Variants in POLA1 observed in about 807,000 individuals in gnomAD.
POLA1 encodes DNA polymerase alpha catalytic subunit.
Under a neutral mutation model 124.0 loss-of-function variants are expected in POLA1, and 15 were observed. That is an observed-to-expected ratio of 0.12 (90% CI 0.08 to 0.19). The LOEUF (loss-of-function observed/expected upper bound fraction) is 0.19, where lower values mean the gene tolerates loss of function less well. POLA1 is among the 10% of genes least tolerant of loss of function. POLA1 has a pLI of 1.00. For synonymous variants in POLA1, 408 were observed against 389.4 expected (o/e 1.05, Z -0.56); for missense variants, 886 against 1,103.4 (o/e 0.80, Z 2.79).
At chrX:24,779,013 C>T (rs1038519109) in intron 26 of POLA1, among the ~76,000 whole-genome samples, 8 of 111,708 alleles carry the variant, frequency 7.2e-5, no homozygotes, top group African/African-American at 2.0e-4. Context: ...AGCCATTGTA[C>T]TGGACACTAC....
At chrX:24,988,792 CCT>C (rs1431304704) in intron 36 of POLA1, among the ~76,000 whole-genome samples, 5 of 111,216 alleles carry the variant, frequency 4.5e-5, no homozygotes, top group Admixed American at 3.8e-4. Context: ...ATGGCAAGAC[CCT>C]GTCTCTACTA....
intron 26 of POLA1, among the ~76,000 whole-genome samples, chrX:24,771,342 A>T (rs996121274): frequency 9.0e-6 from 1 of 111,193 alleles, no homozygotes; most frequent in African/African-American, 3.3e-5. Context: ...TGTTTCACAC[A>T]CTCTCAATTC....
At position 24,736,270 on chromosome X, in the gene POLA1, C is replaced by T. The variant is rs1931268943; in HGVS notation, c.1923+782C>T. Among the ~76,000 whole-genome samples, 3 of 111,971 alleles carry T rather than the reference C, an allele frequency of 2.7e-5. No homozygotes were observed. The Admixed American group carries it at 2.8e-4, about 11-fold the overall frequency. ...TACTCTTGGATACCTTATCTGGCAA[C>T]TGTATAGCTAGCATCCTGAGTTCCT... is the stretch of plus-strand genomic sequence containing the variant. On this transcript the variant is annotated intron_variant, in intron 18 of 36. Coordinates refer to ENST00000379068, the MANE Select transcript of POLA1 (RefSeq NM_001330360.2).
At chrX:24,764,995 T>G (rs1932867774) in intron 26 of POLA1, among the ~76,000 whole-genome samples, 1 of 111,209 alleles carries the variant, frequency 9.0e-6, no homozygotes, top group Non-Finnish European at 1.9e-5. Flanking sequence ...ACTTCCTATT[T>G]CAGTTTACCT....
intron 36 of POLA1, among the ~76,000 whole-genome samples, chrX:24,980,688 G>T (rs1208417258): frequency 1.8e-5 from 2 of 109,415 alleles, no homozygotes; most frequent in Non-Finnish European, 3.8e-5. Flanking sequence ...TCATCTTTAG[G>T]ATAATGAAAA....
At chrX:24,736,977 T>C (rs1157771999) in intron 18 of POLA1, among the ~76,000 whole-genome samples, 1 of 112,310 alleles carries the variant, frequency 8.9e-6, no homozygotes, top group Non-Finnish European at 1.9e-5. Context: ...AAGTGAATCA[T>C]GTTCACGTGT....
At chrX:24,913,328 G>T (rs887543974) in intron 35 of POLA1, among the ~76,000 whole-genome samples, 1 of 111,771 alleles carries the variant, frequency 8.9e-6, no homozygotes, top group African/African-American at 3.3e-5. Context: ...TTAGAGAATG[G>T]TGTGAATACA....
chrX:24,711,659 G>A (rs998621072), intron 4 of POLA1, among the ~76,000 whole-genome samples: 4 of 110,623 alleles, frequency 3.6e-5, no homozygotes, highest in Admixed American at 9.6e-5. Flanking sequence ...GTACAATGGC[G>A]CGATCTCGGC....
intron 35 of POLA1, among the ~76,000 whole-genome samples, chrX:24,902,583 T>A (rs1159540335): frequency 8.9e-6 from 1 of 111,894 alleles, no homozygotes; most frequent in African/African-American, 3.3e-5. Context: ...ATCTTGAAAT[T>A]AAGAAAGTAT....
chrX:24,878,299 C>T (rs956180914), intron 34 of POLA1, among the ~76,000 whole-genome samples: 6 of 111,872 alleles, frequency 5.4e-5, no homozygotes. Context: ...AGGCATATCA[C>T]TTGAAACCAT....
At chrX:24,942,504 G>A (rs943500419) in intron 36 of POLA1, among the ~76,000 whole-genome samples, 6 of 111,979 alleles carry the variant, frequency 5.4e-5, no homozygotes, top group Admixed American at 4.7e-4. Context: ...AGGCACAGAT[G>A]CAGACATGTA....
At chrX:24,740,686 C>A (rs1464065821) in intron 20 of POLA1, among the ~76,000 whole-genome samples, 2 of 111,384 alleles carry the variant, frequency 1.8e-5, no homozygotes, top group Non-Finnish European at 3.8e-5. Flanking sequence ...GGCCTCTTTC[C>A]TAGTCCTGGA....
In POLA1 at chrX:24,748,603, C is replaced by T. The variant is rs773522429; in HGVS notation, c.2841+143C>T. 4 of 564,809 alleles carry T rather than the reference C, an allele frequency of 7.1e-6. No homozygotes were observed. In the Admixed American group the frequency reaches 1.6e-4, roughly 22 times the overall value. 46.5% of individuals were successfully genotyped at this position (564,809 alleles called of 1,213,427 possible). Reference sequence around the variant, plus strand: ...TGACCATTTAAAAATACTAGAGTGCCTCAGAATGGAAGCCACCTTTGTTTA... The same window carrying T: ...TGACCATTTAAAAATACTAGAGTGCTTCAGAATGGAAGCCACCTTTGTTTA... On this transcript the variant is annotated intron_variant, in intron 25 of 36. Transcript: ENST00000379068.
intron 17 of POLA1, among the ~76,000 whole-genome samples, 159 bp from the exon 18 acceptor site, chrX:24,735,240 A>T (rs969971144): frequency 1.2e-4 from 14 of 112,423 alleles, no homozygotes; most frequent in African/African-American, 4.5e-4. Context: ...AATTATTACT[A>T]TGAAACCTAC....
chrX:24,780,063 T>C (rs1480304784), intron 26 of POLA1, among the ~76,000 whole-genome samples: 1 of 112,243 alleles, frequency 8.9e-6, no homozygotes, highest in Non-Finnish European at 1.9e-5. Context: ...TGGTATATGA[T>C]CCTTTTAATG....
At chrX:24,908,832 C>T (rs972544049) in intron 35 of POLA1, among the ~76,000 whole-genome samples, 7 of 111,671 alleles carry the variant, frequency 6.3e-5, no homozygotes, top group African/African-American at 2.3e-4. Flanking sequence ...AATGGTTGAA[C>T]TAGTTTACAG....
chrX:24,934,503 A>G (rs775753869), intron 36 of POLA1, among the ~76,000 whole-genome samples: 3 of 112,167 alleles, frequency 2.7e-5, no homozygotes, highest in Non-Finnish European at 5.6e-5. Flanking sequence ...TCAGTGTTTG[A>G]TCTTTCTTTA....
intron 18 of POLA1, among the ~76,000 whole-genome samples, chrX:24,735,775 G>A (rs969063388): frequency 1.8e-5 from 2 of 111,667 alleles, no homozygotes; most frequent in African/African-American, 6.5e-5. Flanking sequence ...TGTACAAATG[G>A]AGTTATCGCC....
intron 35 of POLA1, among the ~76,000 whole-genome samples, chrX:24,929,464 T>G (rs965924493): frequency 8.9e-6 from 1 of 111,999 alleles, no homozygotes; most frequent in African/African-American, 3.3e-5. Flanking sequence ...TGTCATTTGA[T>G]CTTCTCATTT....
Sources: gnomAD v4.1 joint callset for allele counts (sites outside exome capture counted in the v4.1 genomes callset) on GRCh38, gnomAD v4.1.1 for gene constraint, MANE v1.5 for transcripts, NCBI Gene and HGNC (gene_info 2026-07-23, HGNC 2026-07-21) for gene names.